CACNA1C: variants seen among roughly 807,000 people sequenced by gnomAD.
CACNA1C encodes calcium voltage-gated channel subunit alpha1 C, also known as voltage-dependent L-type calcium channel subunit alpha-1C.
A neutral mutation model predicts 229.0 loss-of-function variants in CACNA1C; 30 were observed. That is an observed-to-expected ratio of 0.13 (90% CI 0.10 to 0.18). The LOEUF (loss-of-function observed/expected upper bound fraction) is 0.18. Ranked by LOEUF, CACNA1C falls within the 10% of genes least tolerant of loss-of-function variation. CACNA1C has a pLI of 1.00. For missense variants in CACNA1C, 1,658 were observed against 2,845.0 expected (o/e 0.58, Z 9.49); for synonymous variants, 1,114 against 1,132.5 (o/e 0.98, Z 0.33).
chr12:2,623,020 G>A (rs940836898), intron 29 of CACNA1C, among the ~76,000 whole-genome samples: 5 of 152,270 alleles, frequency 3.3e-5, no homozygotes, highest in East Asian at 3.9e-4. Context: ...GTAGTCTTTC[G>A]ATGTACAGGG....
At chr12:2,169,332 C>T (rs930727931) in intron 3 of CACNA1C, among the ~76,000 whole-genome samples, 6 of 152,126 alleles carry the variant, frequency 3.9e-5, no homozygotes, top group Non-Finnish European at 8.8e-5. Flanking sequence ...ATATGGCTCT[C>T]AAATTTTTCT....
At chr12:2,457,729 T>C in intron 5 of CACNA1C, 23 bp downstream of exon 5, 1 of 1,554,748 alleles carries the variant, frequency 6.4e-7, no homozygotes, top group South Asian at 1.2e-5. Context: ...CGTTCTTGTG[T>C]ACAGTGTTAT....
At chr12:2,375,449 T>C (rs1363807691) in intron 3 of CACNA1C, among the ~76,000 whole-genome samples, 4 of 152,066 alleles carry the variant, frequency 2.6e-5, no homozygotes, top group Admixed American at 2.6e-4. Flanking sequence ...GCACTGGGAG[T>C]ACTCTTAAGT....
At chr12:2,582,964 C>A (rs112702550) in intron 15 of CACNA1C, 22 bp downstream of exon 15, 9 of 1,534,114 alleles carry the variant, frequency 5.9e-6, no homozygotes, top group African/African-American at 5.5e-5. Context: ...TGCTGCCCCC[C>A]ACCCCTGCGG....
In CACNA1C at chr12:2,651,852, T is replaced by A; in HGVS notation, c.4074+84T>A. ...ACACAGCTGACACAAGGAGGAGCCC[T>A]CCACTCTGGGGCCCTGCTCCTTCCT... is the stretch of plus-strand genomic sequence containing the variant. On this transcript the variant is annotated intron_variant, in intron 32 of 46. Coordinates refer to ENST00000399655, the MANE Select transcript of CACNA1C (RefSeq NM_000719.7). The surrounding 1 kb of genome is among the most constrained non-coding windows in gnomAD (Gnocchi z 5.4). 1 of 1,116,688 alleles carries A rather than the reference T, an allele frequency of 9.0e-7. No individual in the cohort carries two copies. Among genetic ancestry groups the A allele is most frequent in the South Asian group, 1.6e-5 (1 of 64,152 alleles). The allele number at this position is 1,116,688 out of a possible 1,614,324, so 69.2% of individuals were successfully genotyped here. A position where few individuals can be genotyped will look rare whatever the true frequency, so the allele number is the denominator to read the frequency against.
At chr12:2,238,583 G>A (rs1358834890) in intron 3 of CACNA1C, among the ~76,000 whole-genome samples, 1 of 152,192 alleles carries the variant, frequency 6.6e-6, no homozygotes, top group African/African-American at 2.4e-5. Flanking sequence ...GCTCTGACAG[G>A]CCTCAAAGAA....
chr12:2,156,630 T>C (rs2095568032), intron 3 of CACNA1C, among the ~76,000 whole-genome samples: 2 of 152,236 alleles, frequency 1.3e-5, no homozygotes, highest in South Asian at 4.1e-4. Flanking sequence ...TCCATTCCTT[T>C]AGTTTGACCA....
At position 2,692,019 on chromosome 12, in the gene CACNA1C, A is replaced by G. The variant is rs2097794891; in HGVS notation, c.*820A>G. Reference sequence around the variant, plus strand: ...GGAGGGGAGGAAGAAGAGTGTTTACAAAGTCCTGTAGCCCCCTCACCTTTC... The same window carrying G: ...GGAGGGGAGGAAGAAGAGTGTTTACGAAGTCCTGTAGCCCCCTCACCTTTC... On this transcript the variant is annotated 3_prime_UTR_variant, in exon 47 of 47. Coordinates refer to ENST00000399655, the MANE Select transcript of CACNA1C (RefSeq NM_000719.7). The G allele has an allele frequency of 6.6e-6, 1 of 152,226 alleles. No individual in the cohort carries two copies. Among genetic ancestry groups the G allele is most frequent in the Non-Finnish European group, 1.5e-5 (1 of 68,046 alleles). The allele number at this position is 152,226 out of a possible 1,614,324, so 9.4% of individuals were successfully genotyped here. A position where few individuals can be genotyped will look rare whatever the true frequency, so the allele number is the denominator to read the frequency against.
At chr12:2,607,259 A>T in intron 26 of CACNA1C, 129 bp downstream of exon 26, 4 of 858,010 alleles carry the variant, frequency 4.7e-6, no homozygotes, top group Non-Finnish European at 7.1e-6. Context: ...GGTCCTCCCC[A>T]GGCAGTGAGG....
intron 3 of CACNA1C, among the ~76,000 whole-genome samples, chr12:2,307,272 G>A (rs1251882710): frequency 1.3e-5 from 2 of 152,098 alleles, no homozygotes; most frequent in Non-Finnish European, 2.9e-5. Context: ...CTCTACCCAG[G>A]GTCTGAGAAA....
intron 3 of CACNA1C, among the ~76,000 whole-genome samples, chr12:2,200,619 A>G (rs1393378143): frequency 6.6e-6 from 1 of 152,242 alleles, no homozygotes; most frequent in Non-Finnish European, 1.5e-5. Context: ...TGAAGCTTAT[A>G]TTCTGTTGCA....
At chr12:2,505,445 A>T (rs1361531101) in intron 8 of CACNA1C, among the ~76,000 whole-genome samples, 5 of 152,178 alleles carry the variant, frequency 3.3e-5, no homozygotes, top group Admixed American at 6.5e-5. Flanking sequence ...CTAACTTTAT[A>T]TCTAGTTGGC....
At chr12:2,373,552 T>C (rs995060434) in intron 3 of CACNA1C, among the ~76,000 whole-genome samples, 1 of 152,064 alleles carries the variant, frequency 6.6e-6, no homozygotes, top group Non-Finnish European at 1.5e-5. Context: ...TGGAGCGCTC[T>C]GAACTGGGCA....
intron 3 of CACNA1C, among the ~76,000 whole-genome samples, chr12:2,281,589 G>A (rs2091296501): frequency 6.6e-6 from 1 of 152,164 alleles, no homozygotes; most frequent in African/African-American, 2.4e-5. Context: ...TTCCATGACT[G>A]TAAAGCTATG....
At chr12:2,483,090 A>G (rs1020883891) in intron 5 of CACNA1C, among the ~76,000 whole-genome samples, 29 of 152,332 alleles carry the variant, frequency 1.9e-4, no homozygotes, top group African/African-American at 6.0e-4. Flanking sequence ...AGACACAAAG[A>G]TAAGAAGATG....
rs949277728 is a variant in CACNA1C at position 2,633,774 on chromosome 12, TTC to T, written c.3829-512_3829-511del. 81 of 897,490 alleles carry T rather than the reference TTC, an allele frequency of 9.0e-5. No individual in the cohort carries two copies. Among genetic ancestry groups the T allele is most frequent in the African/African-American group, 1.3e-4 (8 of 59,964 alleles). 55.6% of individuals were successfully genotyped at this position (897,490 alleles called of 1,614,324 possible). A position where few individuals can be genotyped will look rare whatever the true frequency, so the allele number is the denominator to read the frequency against. ...ATTCCTCCTCCTCTGCCTCGTCTATTTCTCTCTCTCTCACTCTCTCTGTTTAC... is the reference window on the plus strand; with the variant it reads ...ATTCCTCCTCCTCTGCCTCGTCTATTTCTCTCTCTCACTCTCTCTGTTTAC... On this transcript the variant is annotated intron_variant, in intron 29 of 46. Coordinates refer to ENST00000399655, the MANE Select transcript of CACNA1C (RefSeq NM_000719.7). This position sits in a 1 kb window ranked among gnomAD's most constrained non-coding sequence, Gnocchi z 5.8.
At chr12:2,136,101 C>G (rs1284447972) in intron 3 of CACNA1C, among the ~76,000 whole-genome samples, 5 of 151,416 alleles carry the variant, frequency 3.3e-5, no homozygotes, top group East Asian at 1.9e-4. Context: ...TTCTTTGACT[C>G]GGAAAGGGAA....
Position 2,488,201 on chromosome 12 carries a change from C to T in CACNA1C, c.916+1939C>T, listed in dbSNP as rs1009325147. On this transcript the variant is annotated intron_variant, in intron 6 of 46. Transcript: ENST00000399655. The surrounding 1 kb of genome is among the most constrained non-coding windows in gnomAD (Gnocchi z 4.0). ...CTGCAGGCAATTTCCATCATCCTAA[C>T]GAGAAAGCAGTCCAAGAGTGTTTTC... 1.3e-5 allele frequency among the ~76,000 whole-genome samples: 2 copies of T among 152,200 alleles called. No individual in the cohort carries two copies. Among genetic ancestry groups the T allele is most frequent in the South Asian group, 4.1e-4 (2 of 4,824 alleles).
chr12:2,440,561 G>C (rs950359161), intron 3 of CACNA1C, among the ~76,000 whole-genome samples: 3 of 152,188 alleles, frequency 2.0e-5, no homozygotes, highest in Admixed American at 6.5e-5. Context: ...GAGGCCTTCA[G>C]TGTGGGAGGC....
Sources: gnomAD v4.1 joint callset for allele counts (sites outside exome capture counted in the v4.1 genomes callset) on GRCh38, gnomAD v4.1.1 for gene constraint, Gnocchi (gnomAD v3.1) non-coding constraint, MANE v1.5 for transcripts, NCBI Gene and HGNC (gene_info 2026-07-23, HGNC 2026-07-21) for gene names.